Variants in CSMD3 observed in about 807,000 individuals in gnomAD.
CSMD3 encodes the protein CUB and Sushi multiple domains 3, also known as CUB and sushi domain-containing protein 3.
Under a neutral mutation model 435.2 loss-of-function variants are expected in CSMD3, and 177 were observed. The observed-to-expected ratio is 0.41, with a 90% CI of 0.36 to 0.46. The LOEUF is 0.46. CSMD3 is among the 20% of genes least tolerant of loss of function. The probability of loss-of-function intolerance (pLI) is 0.34; values close to 1 mark genes in which losing one functional copy is unlikely to be tolerated. For synonymous variants in CSMD3, 1,656 were observed against 1,520.5 expected (o/e 1.09, Z -2.07); for missense variants, 4,265 against 4,504.6 (o/e 0.95, Z 1.52).
At position 113,228,867 on chromosome 8, in the gene CSMD3, G is replaced by A. The variant is rs78006405; in HGVS notation, c.514+49725C>T. On this transcript the variant is annotated intron_variant, in intron 3 of 70. Coordinates refer to ENST00000297405, the MANE Select transcript of CSMD3 (RefSeq NM_198123.2). ...TAGTGAGGCTGTAGAAATAACTGACGTGTATAAGGCCTCAAAGCATTTTCT... is the reference window on the plus strand; with the variant it reads ...TAGTGAGGCTGTAGAAATAACTGACATGTATAAGGCCTCAAAGCATTTTCT... Among the ~76,000 whole-genome samples, 54 of 151,656 alleles carry A rather than the reference G, an allele frequency of 3.6e-4. 2 individuals carry two copies. In the East Asian group the frequency reaches 0.011, roughly 30 times the overall value.
chr8:113,262,202 G>A (rs567931800), intron 3 of CSMD3, among the ~76,000 whole-genome samples: 1 of 152,108 alleles, frequency 6.6e-6, no homozygotes, highest in Non-Finnish European at 1.5e-5. Flanking sequence ...ATAAGAGGAA[G>A]TACAAAGATA....
intron 39 of CSMD3, among the ~76,000 whole-genome samples, chr8:112,352,005 T>C (rs1826180320): frequency 6.6e-6 from 1 of 152,090 alleles, no homozygotes; most frequent in South Asian, 2.1e-4. Flanking sequence ...TTGGGAAATG[T>C]ATTGTTATGG....
intron 47 of CSMD3, among the ~76,000 whole-genome samples, chr8:112,318,419 T>C (rs1822677128): frequency 6.6e-6 from 1 of 152,086 alleles, no homozygotes; most frequent in Admixed American, 6.6e-5. Flanking sequence ...GCTTGTTTGT[T>C]TTTTCCTTAG....
chr8:112,540,174 A>G (rs1387797912), intron 27 of CSMD3, among the ~76,000 whole-genome samples: 1 of 152,056 alleles, frequency 6.6e-6, no homozygotes, highest in Non-Finnish European at 1.5e-5. Context: ...TACCAGGTAA[A>G]TGAAAAAAAT....
At chr8:112,664,364 T>C (rs1460114324) in intron 17 of CSMD3, among the ~76,000 whole-genome samples, 1 of 152,134 alleles carries the variant, frequency 6.6e-6, no homozygotes, top group Non-Finnish European at 1.5e-5. Context: ...GTAAGGTTGG[T>C]TAATTTTAGT....
intron 42 of CSMD3, among the ~76,000 whole-genome samples, chr8:112,339,496 T>A (rs184904599): frequency 3.9e-5 from 6 of 152,226 alleles, no homozygotes; most frequent in African/African-American, 1.2e-4. Flanking sequence ...ACTTTTGTTT[T>A]CAATAAATCT....
chr8:112,973,950 T>C (rs924360616), intron 7 of CSMD3, among the ~76,000 whole-genome samples: 1 of 151,886 alleles, frequency 6.6e-6, no homozygotes, highest in African/African-American at 2.4e-5. Context: ...TTACATCTAC[T>C]TTGAAAAATA....
At chr8:112,239,181 T>C (rs1020570450) in intron 66 of CSMD3, among the ~76,000 whole-genome samples, 28 of 152,098 alleles carry the variant, frequency 1.8e-4, no homozygotes, top group African/African-American at 6.5e-4. Context: ...TTTCTTTGTG[T>C]ATAAATTTGT....
chr8:113,165,980 C>G (rs1039197966), intron 4 of CSMD3, among the ~76,000 whole-genome samples: 24 of 152,020 alleles, frequency 1.6e-4, no homozygotes, highest in African/African-American at 5.6e-4. Flanking sequence ...CTTCCTTGAT[C>G]ATAAGAAACA....
chr8:113,345,539 A>G (rs547892809), intron 1 of CSMD3, among the ~76,000 whole-genome samples: 7 of 152,260 alleles, frequency 4.6e-5, no homozygotes, highest in Admixed American at 3.9e-4. Flanking sequence ...TGCTTAAGCA[A>G]TGAGAAGTTC....
intron 41 of CSMD3, among the ~76,000 whole-genome samples, chr8:112,343,134 T>C (rs1825338949): frequency 6.7e-6 from 1 of 149,052 alleles, no homozygotes; most frequent in African/African-American, 2.4e-5. Context: ...TATGTTTTCA[T>C]TTATAAATTA....
chr8:113,203,567 T>C (rs544340004), intron 3 of CSMD3, among the ~76,000 whole-genome samples: 1 of 151,872 alleles, frequency 6.6e-6, no homozygotes, highest in South Asian at 2.1e-4. Flanking sequence ...TCAAATGCTC[T>C]CTATATATGT....
chr8:112,368,832 T>G lies in CSMD3; in HGVS notation c.6136+11520A>C, dbSNP rs1242558149. Among the ~76,000 whole-genome samples the G allele has an allele frequency of 2.6e-5, 4 of 152,148 alleles. No individual in the cohort carries two copies. The East Asian group carries it at 7.7e-4, about 29-fold the overall frequency. ...AGATTATTTTCTATAATTTTCCATT[T>G]GTAAAATAGGGTTAAAAATGTATCT... On this transcript the variant is annotated intron_variant, in intron 38 of 70. Transcript: ENST00000297405.
intron 10 of CSMD3, among the ~76,000 whole-genome samples, chr8:112,862,139 C>T (rs540334630): frequency 2.0e-5 from 3 of 151,988 alleles, no homozygotes; most frequent in Middle Eastern, 3.4e-3. Context: ...ATTTATAAAA[C>T]GGCAAGTAAC....
At position 112,346,150 on chromosome 8, in the gene CSMD3, T is replaced by C; in HGVS notation, c.6389A>G (p.Asn2130Ser). 1 of 1,613,752 alleles carries C rather than the reference T, an allele frequency of 6.2e-7. No individual in the cohort carries two copies. The highest frequency in any genetic ancestry group is 8.5e-7 in the Non-Finnish European group (1 of 1,179,694). ...TGTGCAATCTAAACTGCTGGGATAG[T>C]TTCCAGGAAACCCAGGACTGAGGAT... is the stretch of plus-strand genomic sequence containing the variant. ...GVILSPGFPG[N>S]YPSSLDCTWT... Residue 2130 changes from asparagine to serine, a missense_variant, in exon 41 of 71, where the codon AAC becomes AGC. Physicochemically the swap from Asn to Ser is conservative, Grantham distance 46 (BLOSUM62 1). This residue lies in a region of CSMD3 where 3,255 missense variants were observed against 3,380.2 expected (regional missense o/e 0.96). Coordinates refer to ENST00000297405, the MANE Select transcript of CSMD3 (RefSeq NM_198123.2).
intron 31 of CSMD3, among the ~76,000 whole-genome samples, chr8:112,482,489 C>T (rs570713360): frequency 1.3e-5 from 2 of 152,224 alleles, no homozygotes; most frequent in East Asian, 3.9e-4. Context: ...TAGAACATTT[C>T]CTTCACTCCC....
chr8:112,835,319 T>C (rs1451523055), intron 11 of CSMD3, among the ~76,000 whole-genome samples: 3 of 151,922 alleles, frequency 2.0e-5, no homozygotes, highest in African/African-American at 7.2e-5. Context: ...CATTGTCATA[T>C]TTTCTGAAGC....
At chr8:112,527,985 T>C (rs186071548) in intron 27 of CSMD3, among the ~76,000 whole-genome samples, 95 of 152,288 alleles carry the variant, frequency 6.2e-4, no homozygotes, top group African/African-American at 2.1e-3. Flanking sequence ...GTGATGAAAT[T>C]CGTATAGTAT....
At chr8:112,799,957 A>C (rs2078922269) in intron 13 of CSMD3, among the ~76,000 whole-genome samples, 1 of 151,988 alleles carries the variant, frequency 6.6e-6, no homozygotes, top group Admixed American at 6.6e-5. Flanking sequence ...TATGCAAAAT[A>C]GACACATTTT....
Sources: allele counts gnomAD v4.1 joint callset (sites outside exome capture counted in the v4.1 genomes callset), GRCh38; gene constraint gnomAD v4.1.1; regional missense constraint gnomAD v4.1.1; transcripts MANE v1.5; gene names NCBI Gene and HGNC (gene_info 2026-07-23, HGNC 2026-07-21).